FBXO11: variants seen among roughly 807,000 people sequenced by gnomAD.
The protein encoded by FBXO11 is F-box protein 11.
A neutral mutation model predicts 117.0 loss-of-function variants in FBXO11; 13 were observed. The observed-to-expected ratio is 0.11, with a 90% CI of 0.07 to 0.18. FBXO11 has a LOEUF of 0.18. FBXO11 is among the 10% of genes least tolerant of loss of function. FBXO11 has a pLI of 1.00. For missense variants in FBXO11, 767 were observed against 1,164.4 expected (o/e 0.66, Z 4.97); for synonymous variants, 490 against 380.5 (o/e 1.29, Z -3.35).
chr2:47,865,438 T>TG (rs2103784017), intron 1 of FBXO11, among the ~76,000 whole-genome samples: 1 of 152,276 alleles, frequency 6.6e-6, no homozygotes, highest in African/African-American at 2.4e-5. Context: ...GAAAGAATGT[T>TG]GGAGAGTGAA....
chr2:47,902,028 C>T (rs1389490529), intron 1 of FBXO11, among the ~76,000 whole-genome samples: 3 of 152,178 alleles, frequency 2.0e-5, no homozygotes, highest in African/African-American at 7.2e-5. Flanking sequence ...CTCAGCCTCC[C>T]GCGTTCAAGC....
At chr2:47,899,754 A>G (rs972401977) in intron 1 of FBXO11, among the ~76,000 whole-genome samples, 5 of 152,248 alleles carry the variant, frequency 3.3e-5, no homozygotes, top group East Asian at 1.9e-4. Context: ...AGATAAGAAT[A>G]TATTTCAAAG....
intron 1 of FBXO11, among the ~76,000 whole-genome samples, chr2:47,889,088 A>G (rs909247565): frequency 7.2e-5 from 11 of 152,158 alleles, no homozygotes; most frequent in East Asian, 1.9e-4. Flanking sequence ...ACTTTTTTTT[A>G]TAAGTTAGCA....
intron 1 of FBXO11, among the ~76,000 whole-genome samples, chr2:47,898,554 T>C (rs1448375587): frequency 6.6e-6 from 1 of 152,204 alleles, no homozygotes; most frequent in Non-Finnish European, 1.5e-5. Flanking sequence ...TCTACCCTTC[T>C]TTGTATAATG....
At position 47,887,154 on chromosome 2, in the gene FBXO11, G is replaced by A. The variant is rs538114330; in HGVS notation, c.232+18335C>T. On this transcript the variant is annotated intron_variant, in intron 1 of 22. Transcript: ENST00000403359. ...TACAAACTTAGATGGGCATGGTGGC[G>A]CATACCTGTAATCCCAGCTACTCGG... Among the ~76,000 whole-genome samples, 10 of 151,372 alleles carry A rather than the reference G, an allele frequency of 6.6e-5. No homozygotes were observed. The East Asian group carries it at 9.8e-4, about 15-fold the overall frequency.
At chr2:47,841,592 G>A (rs1182405399) in intron 1 of FBXO11, among the ~76,000 whole-genome samples, 1 of 151,864 alleles carries the variant, frequency 6.6e-6, no homozygotes, top group Non-Finnish European at 1.5e-5. Flanking sequence ...AGAAAAATAA[G>A]GAAAACTTTA....
intron 5 of FBXO11, 69 bp downstream of exon 5, chr2:47,835,803 T>C (rs1672518116): frequency 3.0e-6 from 4 of 1,314,002 alleles, no homozygotes; most frequent in East Asian, 5.7e-5. Context: ...CAGCCTAAAC[T>C]TATTTCTTAA....
intron 1 of FBXO11, among the ~76,000 whole-genome samples, chr2:47,869,821 G>A (rs368150250): frequency 3.0e-4 from 45 of 152,308 alleles, no homozygotes; most frequent in Non-Finnish European, 5.3e-4. Context: ...TATCCTATTA[G>A]GTGGAAGTAT....
At chr2:47,824,455 G>A (rs545091011) in intron 11 of FBXO11, among the ~76,000 whole-genome samples, 6 of 152,258 alleles carry the variant, frequency 3.9e-5, no homozygotes, top group Admixed American at 2.0e-4. Context: ...TCACACCATC[G>A]CACTCCAGCC....
chr2:47,806,957 T>TTTTTCCA lies in FBXO11; in HGVS notation c.*1154_*1160dup, dbSNP rs1427374049. The TTTTTCCA allele has an allele frequency of 1.1e-6, 1 of 952,050 alleles. No individual in the cohort carries two copies. The highest frequency in any genetic ancestry group is 1.7e-6 in the Non-Finnish European group (1 of 605,828). The allele number at this position is 952,050 out of a possible 1,614,324, so 59.0% of individuals were successfully genotyped here. A position where few individuals can be genotyped will look rare whatever the true frequency, so the allele number is the denominator to read the frequency against. On this transcript the variant is annotated 3_prime_UTR_variant, in exon 23 of 23. Coordinates refer to ENST00000403359, the MANE Select transcript of FBXO11 (RefSeq NM_001190274.2). ...AAACTTTATTTTTTAAAAATGACCA[T>TTTTTCCA]TTTTCCATTTTCTTTCTAGGAAATT...
At chr2:47,835,847 A>C (rs1672521998) in intron 5 of FBXO11, 25 bp downstream of exon 5, 1 of 1,539,588 alleles carries the variant, frequency 6.5e-7, no homozygotes, top group Non-Finnish European at 8.9e-7. Context: ...AATATAAACC[A>C]ATATATTCTA....
intron 1 of FBXO11, among the ~76,000 whole-genome samples, chr2:47,891,041 A>G (rs2103979916): frequency 6.6e-6 from 1 of 151,232 alleles, no homozygotes; most frequent in South Asian, 2.1e-4. Flanking sequence ...TCAGACTAGT[A>G]TCAAACTCCC....
chr2:47,890,065 C>G (rs1199243429), intron 1 of FBXO11, among the ~76,000 whole-genome samples: 1 of 152,180 alleles, frequency 6.6e-6, no homozygotes, highest in Non-Finnish European at 1.5e-5. Context: ...ATCCTACTGC[C>G]TCAGTCTCCT....
chr2:47,830,421 A>G (rs1183883614), intron 11 of FBXO11, among the ~76,000 whole-genome samples: 1 of 152,256 alleles, frequency 6.6e-6, no homozygotes, highest in Admixed American at 6.5e-5. Flanking sequence ...AAACCTAGCC[A>G]TACCAAGAAT....
chr2:47,863,404 A>T (rs1207065632), intron 1 of FBXO11, among the ~76,000 whole-genome samples: 1 of 152,250 alleles, frequency 6.6e-6, no homozygotes, highest in East Asian at 1.9e-4. Context: ...CAGCTCGTTT[A>T]CATGGCTCTG....
At chr2:47,894,561 A>T (rs1267784754) in intron 1 of FBXO11, among the ~76,000 whole-genome samples, 1 of 152,158 alleles carries the variant, frequency 6.6e-6, no homozygotes, top group Non-Finnish European at 1.5e-5. Context: ...AAAATTCTTA[A>T]ATACAAAAAA....
At chr2:47,837,118 A>G (rs939085346) in intron 4 of FBXO11, 13 of 181,910 alleles carry the variant, frequency 7.1e-5, no homozygotes, top group Non-Finnish European at 1.3e-4. Context: ...ATCAAGCACA[A>G]TGAAATCTTC....
At chr2:47,883,247 C>G (rs1015044390) in intron 1 of FBXO11, among the ~76,000 whole-genome samples, 9 of 152,160 alleles carry the variant, frequency 5.9e-5, no homozygotes, top group Non-Finnish European at 2.9e-5. Context: ...CCTGAAGCAG[C>G]TATTTACATA....
intron 1 of FBXO11, among the ~76,000 whole-genome samples, chr2:47,900,223 C>T (rs529492253): frequency 4.6e-5 from 7 of 151,980 alleles, no homozygotes; most frequent in Admixed American, 2.0e-4. Flanking sequence ...AAAATAGGCT[C>T]TTTTTACAGC....
Sources: gnomAD v4.1 joint callset for allele counts (sites outside exome capture counted in the v4.1 genomes callset) on GRCh38, gnomAD v4.1.1 for gene constraint, MANE v1.5 for transcripts, NCBI Gene and HGNC (gene_info 2026-07-23, HGNC 2026-07-21) for gene names.